Variants in GRM5 observed in about 807,000 individuals in gnomAD.
The protein encoded by GRM5 is glutamate metabotropic receptor 5.
In GRM5, 19 loss-of-function variants were observed where a neutral mutation model predicts 83.1. That is an observed-to-expected ratio of 0.23 (90% CI 0.16 to 0.34). The LOEUF (loss-of-function observed/expected upper bound fraction) is 0.34, where lower values mean the gene tolerates loss of function less well. GRM5 is among the 10% of genes least tolerant of loss of function. The pLI, the probability that GRM5 is intolerant of heterozygous loss-of-function variation, is 1.00. For missense variants in GRM5, 1,160 were observed against 1,588.3 expected (o/e 0.73, Z 4.58); for synonymous variants, 675 against 633.6 (o/e 1.07, Z -0.98).
chr11:88,600,315 C>G (rs1051272123), intron 5 of GRM5, among the ~76,000 whole-genome samples: 1 of 145,184 alleles, frequency 6.9e-6, no homozygotes, highest in African/African-American at 2.6e-5. Flanking sequence ...TCTCCCTCCC[C>G]TTCCCTCACC....
chr11:88,969,158 T>C (rs936362391), intron 2 of GRM5, among the ~76,000 whole-genome samples: 14 of 152,112 alleles, frequency 9.2e-5, no homozygotes, highest in African/African-American at 3.4e-4. Flanking sequence ...GTCATTTAAC[T>C]TTTGTTCCCA....
chr11:88,513,473 C>T (rs957107927), intron 9 of GRM5, among the ~76,000 whole-genome samples: 2 of 152,038 alleles, frequency 1.3e-5, no homozygotes, highest in South Asian at 2.1e-4. Flanking sequence ...TCTTATATAC[C>T]TCCCTTTAAT....
intron 2 of GRM5, among the ~76,000 whole-genome samples, chr11:88,899,045 C>G (rs578227492): frequency 2.0e-5 from 3 of 151,978 alleles, no homozygotes; most frequent in Non-Finnish European, 4.4e-5. Flanking sequence ...TGTTTGTGTA[C>G]ATTCTCATTA....
intron 2 of GRM5, among the ~76,000 whole-genome samples, chr11:88,938,390 A>G (rs1937971737): frequency 6.6e-6 from 1 of 151,634 alleles, no homozygotes; most frequent in African/African-American, 2.4e-5. Context: ...TACACGAAGG[A>G]CTATATATCC....
At chr11:89,064,886 C>CTGTGTGTGTGTG (rs1477202270) in intron 1 of GRM5, among the ~76,000 whole-genome samples, 3 of 72,786 alleles carry the variant, frequency 4.1e-5, no homozygotes, top group African/African-American at 1.6e-4. Context: ...CTCTCTCTCT[C>CTGTGTGTGTGTG]TCTGTGTGTG....
chr11:89,015,697 T>A (rs1940835740), intron 2 of GRM5, among the ~76,000 whole-genome samples: 1 of 152,166 alleles, frequency 6.6e-6, no homozygotes, highest in Non-Finnish European at 1.5e-5. Flanking sequence ...CCAAGTACTT[T>A]GGAGGATGTA....
Position 88,508,771 on chromosome 11 carries a change from TGGC to T in GRM5, c.3457_3459del (p.Ala1153del), listed in dbSNP as rs1257994965. Reference sequence around the variant, plus strand: ...GCCACCAGCTCCTCCAGGTCTGGCTTGGCGGCCGCAGCCTCGGGACCGGCCGCG... The same window carrying T: ...GCCACCAGCTCCTCCAGGTCTGGCTTGGCCGCAGCCTCGGGACCGGCCGCG... On this transcript the variant is annotated inframe_deletion, in exon 10 of 10. Transcript: ENST00000305447. The surrounding 1 kb of genome is among the most constrained non-coding windows in gnomAD (Gnocchi z 4.2). 1.3e-6 allele frequency: 2 copies of T among 1,487,542 alleles called. No homozygotes were observed. The highest frequency in any genetic ancestry group is 2.8e-5 in the East Asian group (1 of 35,866). 92.1% of individuals were successfully genotyped at this position (1,487,542 alleles called of 1,614,324 possible).
chr11:89,017,946 C>T (rs1334957889), intron 2 of GRM5, among the ~76,000 whole-genome samples: 1 of 152,060 alleles, frequency 6.6e-6, no homozygotes, highest in Non-Finnish European at 1.5e-5. Flanking sequence ...TTCTCCAGTA[C>T]CTCCCTCCTA....
chr11:89,047,468 AGAG>A lies in GRM5; in HGVS notation c.402_404del (p.Ser136del). 6.2e-7 allele frequency: 1 copy of A among 1,614,192 alleles called. No homozygotes were observed. The highest frequency in any genetic ancestry group is 1.1e-5 in the South Asian group (1 of 91,088). Reference sequence around the variant, plus strand: ...CTATGGGCTTCTTGGAGCGGAAGGAAGAGGAGGAGCCATCCACACAGCGTACCA... The same window carrying A: ...CTATGGGCTTCTTGGAGCGGAAGGAAGAGGAGCCATCCACACAGCGTACCA... On this transcript the variant is annotated inframe_deletion, in exon 2 of 10. Coordinates refer to ENST00000305447, the MANE Select transcript of GRM5 (RefSeq NM_001143831.3). This position sits in a 1 kb window ranked among gnomAD's most constrained non-coding sequence, Gnocchi z 5.1.
rs1481767539 is a variant in GRM5 at position 88,984,053 on chromosome 11, CTT to C, written c.661+63157_661+63158del. On this transcript the variant is annotated intron_variant, in intron 2 of 9. Transcript: ENST00000305447. Reference sequence around the variant, plus strand: ...AAGCTGTTATTATGATAATAAAAAACTTAAAGTTTATAAAGTAAAAAAGTTAC... The same window carrying C: ...AAGCTGTTATTATGATAATAAAAAACAAAGTTTATAAAGTAAAAAAGTTAC... Among the ~76,000 whole-genome samples the C allele has an allele frequency of 3.3e-5, 5 of 152,176 alleles. No individual in the cohort carries two copies. The South Asian group carries it at 8.3e-4, about 25-fold the overall frequency.
At chr11:89,008,087 T>A (rs1431768730) in intron 2 of GRM5, among the ~76,000 whole-genome samples, 1 of 152,198 alleles carries the variant, frequency 6.6e-6, no homozygotes, top group Non-Finnish European at 1.5e-5. Context: ...TACAATTATA[T>A]GTTTTTTTTC....
chr11:88,921,641 A>T (rs1182863698), intron 2 of GRM5, among the ~76,000 whole-genome samples: 2 of 146,736 alleles, frequency 1.4e-5, no homozygotes, highest in Non-Finnish European at 3.0e-5. Context: ...AAAAAAAAAT[A>T]CTGGGCTTAG....
At chr11:88,902,897 G>A (rs1225007667) in intron 2 of GRM5, among the ~76,000 whole-genome samples, 1 of 138,556 alleles carries the variant, frequency 7.2e-6, no homozygotes, top group Non-Finnish European at 1.5e-5. Flanking sequence ...GTTGCAGTTA[G>A]CCGAGATCGT....
chr11:88,942,696 T>C (rs1176308256), intron 2 of GRM5, among the ~76,000 whole-genome samples: 1 of 151,810 alleles, frequency 6.6e-6, no homozygotes, highest in Non-Finnish European at 1.5e-5. Context: ...TATAATGACC[T>C]AGATTTGTCA....
chr11:89,005,377 G>C (rs1188413360), intron 2 of GRM5, among the ~76,000 whole-genome samples: 1 of 152,172 alleles, frequency 6.6e-6, no homozygotes, highest in Non-Finnish European at 1.5e-5. Flanking sequence ...CCACTTGCTT[G>C]TATTAGTTTG....
At chr11:88,738,061 G>A (rs1475678567) in intron 3 of GRM5, among the ~76,000 whole-genome samples, 1 of 108,154 alleles carries the variant, frequency 9.2e-6, no homozygotes, top group African/African-American at 4.8e-5. Context: ...TATTCAGAGA[G>A]TATTTTTTGA....
intron 3 of GRM5, among the ~76,000 whole-genome samples, chr11:88,655,598 G>T (rs1488737501): frequency 6.6e-6 from 1 of 151,278 alleles, no homozygotes; most frequent in African/African-American, 2.4e-5. Context: ...TTTTTTGCAG[G>T]TGATATTTCC....
intron 2 of GRM5, among the ~76,000 whole-genome samples, chr11:89,014,671 A>T (rs1940805084): frequency 6.6e-6 from 1 of 152,198 alleles, no homozygotes; most frequent in South Asian, 2.1e-4. Context: ...AAATAACTTA[A>T]AAATGCAATT....
intron 3 of GRM5, among the ~76,000 whole-genome samples, chr11:88,700,862 G>C (rs541379597): frequency 6.6e-6 from 1 of 152,262 alleles, no homozygotes; most frequent in Admixed American, 6.5e-5. Context: ...ACAATGCCCT[G>C]CACGGATGGG....
Sources: allele counts gnomAD v4.1 joint callset (sites outside exome capture counted in the v4.1 genomes callset), GRCh38; gene constraint gnomAD v4.1.1; non-coding constraint Gnocchi (gnomAD v3.1); transcripts MANE v1.5; gene names NCBI Gene and HGNC (gene_info 2026-07-23, HGNC 2026-07-21).